Variants in DNAH5 observed in about 807,000 individuals in gnomAD.
DNAH5 encodes dynein axonemal heavy chain 5.
In DNAH5, 372 loss-of-function variants were observed where a neutral mutation model predicts 518.2. That is an observed-to-expected ratio of 0.72 (90% CI 0.66 to 0.78). The LOEUF (loss-of-function observed/expected upper bound fraction) is 0.78. Among genes scored for constraint, DNAH5 ranks in the 30% least tolerant of loss-of-function variants. DNAH5 has a pLI of 0.00. For missense variants in DNAH5, 5,523 were observed against 5,687.0 expected, an observed-to-expected ratio of 0.97 and a Z score of 0.93; for synonymous variants, 2,039 against 2,025.9, an observed-to-expected ratio of 1.01 and a Z score of -0.17.
chr5:13,881,223 T>G (rs1009017873), intron 21 of DNAH5, among the ~76,000 whole-genome samples: 2 of 151,914 alleles, frequency 1.3e-5, no homozygotes, highest in African/African-American at 4.8e-5. Flanking sequence ...GTACCCTACT[T>G]TCATCACTGA....
chr5:13,900,005 C>T (rs547611728), intron 15 of DNAH5: 25 of 584,488 alleles, frequency 4.3e-5, no homozygotes, highest in African/African-American at 7.5e-5. Context: ...AAATAAAACC[C>T]AAGCTTCTCA....
At chr5:13,838,455 T>C (rs1044081659) in intron 35 of DNAH5, among the ~76,000 whole-genome samples, 3 of 152,178 alleles carry the variant, frequency 2.0e-5, no homozygotes, top group Non-Finnish European at 2.9e-5. Flanking sequence ...AGTATTCTCA[T>C]AGGAGCACAA....
intron 1 of DNAH5, among the ~76,000 whole-genome samples, chr5:14,009,079 G>A (rs446568): frequency 0.034 from 5,170 of 152,248 alleles, 289 homozygotes; most frequent in African/African-American, 0.12. Flanking sequence ...GAAGCCGTCG[G>A]TTTTTATTCA....
At chr5:13,800,996 T>C (rs995579505) in intron 47 of DNAH5, among the ~76,000 whole-genome samples, 1 of 152,218 alleles carries the variant, frequency 6.6e-6, no homozygotes, top group Non-Finnish European at 1.5e-5. Flanking sequence ...TGTTTGTTGT[T>C]AAATATTTTT....
chr5:13,773,884 A>G (rs13436952), intron 55 of DNAH5, among the ~76,000 whole-genome samples: 45,917 of 151,240 alleles, frequency 0.3, 7,449 homozygotes, highest in South Asian at 0.43. Flanking sequence ...GGGGAGAAAT[A>G]GGAGGAGGAG....
intron 15 of DNAH5, chr5:13,899,861 A>G (rs2151960455): frequency 3.6e-6 from 1 of 274,966 alleles, no homozygotes; most frequent in Non-Finnish European, 6.9e-6. Context: ...CTTCACAAAC[A>G]GGCTTCCCGC....
At chr5:13,781,111 G>T in intron 52 of DNAH5, 152 bp from the exon 53 acceptor site, 1 of 934,274 alleles carries the variant, frequency 1.1e-6, no homozygotes. Flanking sequence ...GAAGGAATGA[G>T]GGCATTTCTG....
chr5:13,867,962 G>A lies in DNAH5; in HGVS notation c.3865C>T (p.Leu1289Phe). 13 of 1,613,624 alleles carry A rather than the reference G, an allele frequency of 8.1e-6. No homozygotes were observed. The highest frequency in any genetic ancestry group is 1.1e-5 in the Non-Finnish European group (13 of 1,179,892). The part of the protein sequence containing the change: ...ESYALLNRYG[L>F]LIAREEIDKV... The stretch of plus-strand genomic sequence containing the variant: ...TCTATCTCTTCCCTTGCTATCAGAA[G>A]TCCATATCTGTTAAGCAGGGCATAA... Residue 1289 changes from leucine to phenylalanine, a missense_variant, in exon 25 of 79, where the codon CTT (leucine) becomes TTT (phenylalanine). Physicochemically the swap from Leu to Phe is conservative, Grantham distance 22. Around this residue, in one of 3 missense-constraint regions of DNAH5, gnomAD observed 5,121 missense variants for 5,223.3 expected, o/e 0.98. Coordinates refer to ENST00000265104, the MANE Select transcript of DNAH5 (RefSeq NM_001369.3).
At chr5:13,935,236 G>C (rs973882870) in intron 1 of DNAH5, among the ~76,000 whole-genome samples, 1 of 152,170 alleles carries the variant, frequency 6.6e-6, no homozygotes, top group Non-Finnish European at 1.5e-5. Context: ...AAAGAACACA[G>C]AGATTTAAAT....
At chr5:13,971,727 T>G (rs1268484412) in intron 1 of DNAH5, among the ~76,000 whole-genome samples, 1 of 152,072 alleles carries the variant, frequency 6.6e-6, no homozygotes, top group Non-Finnish European at 1.5e-5. Flanking sequence ...TAGTTTTGCT[T>G]AATGTGCTGG....
intron 1 of DNAH5, among the ~76,000 whole-genome samples, chr5:13,989,414 T>A (rs1038141289): frequency 2.6e-5 from 4 of 151,302 alleles, no homozygotes; most frequent in Non-Finnish European, 4.4e-5. Context: ...CAAAAAAGTA[T>A]GATCCAATTT....
At chr5:13,834,799 G>C (rs1340077504) in intron 35 of DNAH5, among the ~76,000 whole-genome samples, 1 of 152,204 alleles carries the variant, frequency 6.6e-6, no homozygotes, top group Non-Finnish European at 1.5e-5. Context: ...GAGAAACAGA[G>C]AAGTAGCAGA....
chr5:13,923,430 G>C lies in DNAH5; in HGVS notation c.288C>G (p.Gly96=). The change falls in exon 4 of 79, where the codon GGC becomes GGG. Residue 96 remains glycine (G), a synonymous_variant. Transcript: ENST00000265104. ...AAACAAGATTTACCCCTCCTAGAGA[G>C]CCAAGTTGTCCTACAAAAGCAAAAT... ...DVEEAETGQL[G]SLGGVNLVSG... 6.2e-7 allele frequency: 1 copy of C among 1,614,084 alleles called. No homozygotes were observed. The highest frequency in any genetic ancestry group is 8.5e-7 in the Non-Finnish European group (1 of 1,179,976).
chr5:13,893,252 G>A (rs1319958283), intron 16 of DNAH5, among the ~76,000 whole-genome samples: 5 of 151,830 alleles, frequency 3.3e-5, no homozygotes, highest in Admixed American at 3.3e-4. Flanking sequence ...CGGAGTTGGG[G>A]GAGAGAGAGA....
chr5:13,928,008 G>A (rs981080035), intron 3 of DNAH5, 86 bp downstream of exon 3: 33 of 1,191,884 alleles, frequency 2.8e-5, no homozygotes, highest in Non-Finnish European at 3.1e-5. Context: ...AAACAGGTCC[G>A]TTCTCACAGT....
intron 32 of DNAH5, among the ~76,000 whole-genome samples, chr5:13,842,757 T>C (rs1765461829): frequency 6.6e-6 from 1 of 152,076 alleles, no homozygotes; most frequent in South Asian, 2.1e-4. Context: ...GTCCTGAATA[T>C]GAATTTGTAT....
chr5:13,825,697 G>A (rs1762803702), intron 38 of DNAH5, among the ~76,000 whole-genome samples: 1 of 152,180 alleles, frequency 6.6e-6, no homozygotes, highest in East Asian at 1.9e-4. Context: ...ATGGTTACCA[G>A]GAGCTAAGGG....
chr5:13,748,810 T>C (rs1326548975), intron 65 of DNAH5, among the ~76,000 whole-genome samples: 1 of 152,160 alleles, frequency 6.6e-6, no homozygotes, highest in Non-Finnish European at 1.5e-5. Flanking sequence ...AGATATACAA[T>C]CATGTCATCT....
intron 38 of DNAH5, among the ~76,000 whole-genome samples, chr5:13,826,280 GAAGAT>G (rs2151828136): frequency 6.6e-6 from 1 of 152,280 alleles, no homozygotes; most frequent in East Asian, 1.9e-4. Context: ...AAGTGGTAGT[GAAGAT>G]AAGAGCAGGA....
Sources: gnomAD v4.1 joint callset for allele counts (sites outside exome capture counted in the v4.1 genomes callset) on GRCh38, gnomAD v4.1.1 for gene constraint, gnomAD v4.1.1 regional missense constraint, MANE v1.5 for transcripts, NCBI Gene and HGNC (gene_info 2026-07-23, HGNC 2026-07-21) for gene names.